The following COL5A2 variants were observed in gnomAD, a reference collection of about 807,000 sequenced individuals.
COL5A2 encodes the protein collagen type V alpha 2 chain, also known as collagen alpha-2(V) chain.
In COL5A2, 23 loss-of-function variants were observed where a neutral mutation model predicts 208.2. The ratio of observed to expected loss-of-function variants is 0.11; its 90% confidence interval spans 0.08 to 0.16. COL5A2 has a LOEUF of 0.16. COL5A2 is among the 10% of genes least tolerant of loss of function. The pLI is 1.00. For missense variants in COL5A2, 1,590 were observed against 1,956.4 expected, an observed-to-expected ratio of 0.81 and a Z score of 3.53; for synonymous variants, 625 against 628.5, an observed-to-expected ratio of 0.99 and a Z score of 0.08.
chr2:189,184,145 T>C (rs779922875), upstream of COL5A2, among the ~76,000 whole-genome samples: 3 of 151,992 alleles, frequency 2.0e-5, no homozygotes, highest in Admixed American at 6.6e-5. Context: ...TTAAATGCCA[T>C]GAAAGAAATA....
rs764978661 is a variant in COL5A2, at chr2:189,048,193, G to C, written c.3201+16C>G. ...TGCATGACTTTAGATTTTATAATAA[G>C]TGAAATGGCTCTTACACGTTCTCCA... On this transcript the variant is annotated intron_variant, in intron 45 of 53. Transcript: ENST00000374866. The C allele has an allele frequency of 6.2e-7, 1 of 1,611,232 alleles. No individual in the cohort carries two copies. Among genetic ancestry groups the C allele is most frequent in the South Asian group, 1.1e-5 (1 of 91,018 alleles).
chr2:189,045,658 T>C, intron 46 of COL5A2, 142 bp downstream of exon 46: 1 of 740,404 alleles, frequency 1.4e-6, no homozygotes, highest in Non-Finnish European at 2.4e-6. Flanking sequence ...ATATAGTAGT[T>C]CATAATTAGC....
upstream of COL5A2, among the ~76,000 whole-genome samples, chr2:189,229,343 A>C (rs1157842909): frequency 7.9e-5 from 12 of 151,690 alleles, no homozygotes; most frequent in African/African-American, 2.9e-4. Context: ...AAGGCATCCA[A>C]ATTGGAAAGG....
chr2:189,340,819 G>A, the COL5A2 span, among the ~76,000 whole-genome samples: 1 of 152,088 alleles, frequency 6.6e-6, no homozygotes, highest in Admixed American at 6.6e-5. Context: ...TGCAGACCCA[G>A]GAGTCAAAAC....
intron 1 of COL5A2, among the ~76,000 whole-genome samples, chr2:189,168,234 C>T (rs1042982360): frequency 1.1e-4 from 11 of 100,018 alleles, no homozygotes; most frequent in Non-Finnish European, 2.0e-4. Context: ...CCACTGTGCC[C>T]GGGTTTTTTT....
chr2:189,179,467 C>G (rs372281187), intron 1 of COL5A2, 41 bp downstream of exon 1: 2 of 1,594,444 alleles, frequency 1.3e-6, no homozygotes, highest in South Asian at 1.1e-5. Flanking sequence ...TTTCCCAAAC[C>G]GTGCAATAAA....
chr2:189,240,362 C>T, the COL5A2 span, among the ~76,000 whole-genome samples: 7 of 152,102 alleles, frequency 4.6e-5, no homozygotes, highest in Non-Finnish European at 7.4e-5. Context: ...AGAGAGAACA[C>T]TTGTGTCTTT....
At chr2:189,178,709 TAA>T (rs11296800) in intron 1 of COL5A2, among the ~76,000 whole-genome samples, 19,718 of 118,212 alleles carry the variant, frequency 0.17, 1,558 homozygotes, top group Non-Finnish European at 0.22. Context: ...GATTTATCTT[TAA>T]AAAAAAAAAA....
chr2:189,088,630 G>T, intron 8 of COL5A2, 65 bp downstream of exon 8: 1 of 1,214,942 alleles, frequency 8.2e-7, no homozygotes, highest in Non-Finnish European at 1.2e-6. Flanking sequence ...GTTAACTCAA[G>T]ATTCTCTTTT....
intron 1 of COL5A2, among the ~76,000 whole-genome samples, chr2:189,224,465 G>A (rs1014241340): frequency 9.9e-5 from 15 of 152,132 alleles, no homozygotes; most frequent in Non-Finnish European, 1.2e-4. Context: ...GAGGCGGGCG[G>A]ATTTCTGGAG....
the COL5A2 span, among the ~76,000 whole-genome samples, chr2:189,349,519 C>T: frequency 1.3e-5 from 2 of 152,116 alleles, no homozygotes; most frequent in South Asian, 2.1e-4. Context: ...AGCAGACACA[C>T]ATGGATGTTC....
the COL5A2 span, among the ~76,000 whole-genome samples, chr2:189,375,740 T>C: frequency 6.6e-6 from 1 of 152,214 alleles, no homozygotes; most frequent in South Asian, 2.1e-4. Flanking sequence ...AAAATAATGA[T>C]ATTTGAAAAT....
At chr2:189,078,953 A>G in intron 15 of COL5A2, 110 bp downstream of exon 15, 2 of 880,702 alleles carry the variant, frequency 2.3e-6, no homozygotes, top group East Asian at 2.6e-5. Flanking sequence ...ACTAGCCAAC[A>G]TATGTTGTCC....
chr2:189,434,908 G>C, the COL5A2 span, among the ~76,000 whole-genome samples: 1 of 152,054 alleles, frequency 6.6e-6, no homozygotes, highest in Admixed American at 6.5e-5. Flanking sequence ...GGGGCATCAC[G>C]CTACCTGACT....
chr2:189,280,775 A>G, the COL5A2 span, among the ~76,000 whole-genome samples: 449 of 152,220 alleles, frequency 2.9e-3, 8 homozygotes, highest in Admixed American at 0.027. Flanking sequence ...CATCTTAGGG[A>G]TAAGACCCAA....
At chr2:189,176,592 G>A (rs1688682403) in intron 1 of COL5A2, among the ~76,000 whole-genome samples, 2 of 152,054 alleles carry the variant, frequency 1.3e-5, no homozygotes, top group Non-Finnish European at 2.9e-5. Flanking sequence ...CTCACTAGAT[G>A]CTAGGCATTA....
At chr2:189,308,690 G>A in the COL5A2 span, among the ~76,000 whole-genome samples, 2 of 152,054 alleles carry the variant, frequency 1.3e-5, no homozygotes, top group African/African-American at 2.4e-5. Flanking sequence ...ATTGATTCCA[G>A]GTCTTTAGAT....
At chr2:189,245,700 T>G in the COL5A2 span, among the ~76,000 whole-genome samples, 1 of 152,026 alleles carries the variant, frequency 6.6e-6, no homozygotes, top group Non-Finnish European at 1.5e-5. Flanking sequence ...GGTCTCGATC[T>G]CCTGACCTCG....
chr2:189,035,815 G>T (rs1342208909), intron 52 of COL5A2, among the ~76,000 whole-genome samples: 1 of 151,918 alleles, frequency 6.6e-6, no homozygotes, highest in Non-Finnish European at 1.5e-5. Context: ...TCTAGGAAAA[G>T]GTCAGAAGCA....
Sources: allele counts gnomAD v4.1 joint callset (sites outside exome capture counted in the v4.1 genomes callset), GRCh38; gene constraint gnomAD v4.1.1; transcripts MANE v1.5; gene names NCBI Gene and HGNC (gene_info 2026-07-23, HGNC 2026-07-21).